Variants in SLC4A8 observed in about 807,000 individuals in gnomAD.
SLC4A8 encodes electroneutral sodium bicarbonate exchanger 1.
A neutral mutation model predicts 125.0 loss-of-function variants in SLC4A8; 40 were observed. The observed-to-expected ratio is 0.32, with a 90% CI of 0.25 to 0.42. The LOEUF (loss-of-function observed/expected upper bound fraction) is 0.42, where lower values mean the gene tolerates loss of function less well. Ranked by LOEUF, SLC4A8 falls within the 10% of genes least tolerant of loss-of-function variation. SLC4A8 has a pLI of 1.00. For synonymous variants in SLC4A8, 456 were observed against 476.0 expected (o/e 0.96, Z 0.55); for missense variants, 863 against 1,355.1 (o/e 0.64, Z 5.70).
rs1240372248 is a variant in SLC4A8 at position 51,438,890 on chromosome 12, AT to A, written c.49-1812del. 2.0e-5 allele frequency among the ~76,000 whole-genome samples: 3 copies of A among 151,426 alleles called. No individual in the cohort carries two copies. The East Asian group carries it at 5.8e-4, about 29-fold the overall frequency. On this transcript the variant is annotated intron_variant, in intron 1 of 24. Transcript: ENST00000453097. The stretch of plus-strand genomic sequence containing the variant: ...TCCCTGATGATTAGTGATGTTGAGC[AT>A]TTTTTCATATATTTGTTGACTATTT...
intron 4 of SLC4A8, among the ~76,000 whole-genome samples, 173 bp from the exon 5 acceptor site, chr12:51,453,366 T>C (rs996190089): frequency 1.3e-5 from 2 of 152,248 alleles, no homozygotes; most frequent in Non-Finnish European, 2.9e-5. Flanking sequence ...AATCTTGCAG[T>C]GTTCTATTAC....
At chr12:51,457,880 G>A (rs1446327683) in intron 6 of SLC4A8, among the ~76,000 whole-genome samples, 1 of 152,160 alleles carries the variant, frequency 6.6e-6, no homozygotes, top group African/African-American at 2.4e-5. Context: ...AAATATCTTA[G>A]ATTAGGGAGG....
chr12:51,440,113 G>A (rs1949547569), intron 1 of SLC4A8, among the ~76,000 whole-genome samples: 2 of 152,198 alleles, frequency 1.3e-5, no homozygotes, highest in Non-Finnish European at 2.9e-5. Flanking sequence ...AGGACAGCGT[G>A]TGGTAAACAG....
At chr12:51,453,794 TTG>T in intron 5 of SLC4A8, 95 bp downstream of exon 5, 3 of 1,239,442 alleles carry the variant, frequency 2.4e-6, no homozygotes, top group Non-Finnish European at 2.3e-6. Context: ...ATACAGTGGG[TTG>T]TGTGTCCTTG....
At chr12:51,474,298 AT>A in intron 14 of SLC4A8, 43 bp from the exon 15 acceptor site, 1 of 1,261,934 alleles carries the variant, frequency 7.9e-7, no homozygotes, top group South Asian at 1.3e-5. Context: ...TTAACTGAGT[AT>A]TTGGCTGTTT....
chr12:51,405,536 T>C, intron 1 of SLC4A8, among the ~76,000 whole-genome samples: 1 of 152,216 alleles, frequency 6.6e-6, no homozygotes, highest in East Asian at 1.9e-4. Flanking sequence ...AAACCCCCTT[T>C]ATGTTCATCT....
At chr12:51,470,240 T>C in intron 12 of SLC4A8, 152 bp from the exon 13 acceptor site, 1 of 656,796 alleles carries the variant, frequency 1.5e-6, no homozygotes, top group Non-Finnish European at 2.7e-6. Context: ...TACAGGAGTA[T>C]TACATGGTGT....
chr12:51,403,786 T>C (rs985746078), intron 1 of SLC4A8, among the ~76,000 whole-genome samples: 1 of 152,288 alleles, frequency 6.6e-6, no homozygotes, highest in Non-Finnish European at 1.5e-5. Context: ...AGCATTGAGA[T>C]TCTTCCCATG....
chr12:51,463,343 A>T (rs1950402833), intron 10 of SLC4A8, among the ~76,000 whole-genome samples: 1 of 151,620 alleles, frequency 6.6e-6, no homozygotes, highest in African/African-American at 2.4e-5. Flanking sequence ...CCAAAGCCCC[A>T]TTTTTCTCTT....
At chr12:51,409,588 G>A (rs1469114036) in intron 1 of SLC4A8, among the ~76,000 whole-genome samples, 2 of 152,084 alleles carry the variant, frequency 1.3e-5, no homozygotes, top group Non-Finnish European at 2.9e-5. Context: ...TCCCAGGCAG[G>A]AGCACAGTGG....
rs1565816229 is a variant in SLC4A8 at position 51,488,710 on chromosome 12, T to A, written c.2298T>A (p.Asp766Glu). The A allele has an allele frequency of 6.2e-7, 1 of 1,613,512 alleles. No homozygotes were observed. Among genetic ancestry groups the A allele is most frequent in the Admixed American group, 1.7e-5 (1 of 59,944 alleles). The change falls in exon 18 of 25, where the codon GAT becomes GAA. Residue 766 changes from aspartate (D) to glutamate (E), a missense_variant. Physicochemically the swap from Asp to Glu is conservative, Grantham distance 45 (BLOSUM62 2). Transcript: ENST00000453097. ...ATTTTCCCCCTTAGCCAACAAGGGA[T>A]GATCGCGGATGGATTATTAATCCCA... ...QVPSVFKPTRDDRGWIINPIG... is the reference protein window; with the variant it reads ...QVPSVFKPTREDRGWIINPIG...
chr12:51,477,855 A>G (rs910133122), intron 16 of SLC4A8, among the ~76,000 whole-genome samples: 9 of 152,198 alleles, frequency 5.9e-5, no homozygotes, highest in Non-Finnish European at 1.2e-4. Context: ...ATGGCCAGGC[A>G]TGGTGGCTTA....
intron 1 of SLC4A8, among the ~76,000 whole-genome samples, chr12:51,436,901 A>G (rs945726307): frequency 6.6e-6 from 1 of 152,248 alleles, no homozygotes; most frequent in African/African-American, 2.4e-5. Context: ...TGCTGGGATT[A>G]TAGGCATGAG....
intron 2 of SLC4A8, among the ~76,000 whole-genome samples, chr12:51,447,037 C>T (rs376329256): frequency 4.0e-5 from 6 of 149,156 alleles, no homozygotes; most frequent in Non-Finnish European, 4.5e-5. Flanking sequence ...TGCCTGCCTG[C>T]CTGTCTGTCT....
At chr12:51,416,211 GTTTT>G (rs57565585) in intron 1 of SLC4A8, among the ~76,000 whole-genome samples, 1 of 82,536 alleles carries the variant, frequency 1.2e-5, no homozygotes, top group Non-Finnish European at 2.4e-5. Context: ...GAGGTCTTTT[GTTTT>G]TTTTTTTTTT....
chr12:51,414,964 A>G (rs1948658130), intron 1 of SLC4A8, among the ~76,000 whole-genome samples: 1 of 152,146 alleles, frequency 6.6e-6, no homozygotes. Flanking sequence ...ATGTATATTG[A>G]TTTGCATATG....
intron 23 of SLC4A8, 92 bp downstream of exon 23, chr12:51,504,212 T>G: frequency 2.6e-6 from 2 of 756,592 alleles, no homozygotes; most frequent in South Asian, 1.6e-5. Context: ...GTGCAGCTGC[T>G]GGCATAAAGA....
At chr12:51,488,469 G>A (rs2292218) in intron 17 of SLC4A8, among the ~76,000 whole-genome samples, 9,892 of 151,986 alleles carry the variant, frequency 0.065, 433 homozygotes, top group East Asian at 0.21. Flanking sequence ...CTACCATCCT[G>A]CAAACCCAAG....
At chr12:51,491,013 C>T (rs1565818040) in intron 19 of SLC4A8, among the ~76,000 whole-genome samples, 1 of 152,040 alleles carries the variant, frequency 6.6e-6, no homozygotes, top group Non-Finnish European at 1.5e-5. Flanking sequence ...CCAAAGGTCT[C>T]AATTGTTGAC....
Sources: gnomAD v4.1 joint callset for allele counts (sites outside exome capture counted in the v4.1 genomes callset) on GRCh38, gnomAD v4.1.1 for gene constraint, MANE v1.5 for transcripts, NCBI Gene and HGNC (gene_info 2026-07-23, HGNC 2026-07-21) for gene names.